Variants in DMD observed in about 807,000 individuals in gnomAD.
DMD encodes dystrophin, also known as mutant dystrophin.
Under a neutral mutation model 330.1 loss-of-function variants are expected in DMD, and 63 were observed. The ratio of observed to expected loss-of-function variants is 0.19; its 90% CI spans 0.16 to 0.24. DMD has a LOEUF of 0.24. Among genes scored for constraint, DMD ranks in the 10% least tolerant of loss-of-function variants. The pLI, the probability that DMD is intolerant of heterozygous loss-of-function variation, is 1.00. For synonymous variants in DMD, 1,223 were observed against 959.8 expected (o/e 1.27, Z -5.07); for missense variants, 3,344 against 2,684.1 (o/e 1.25, Z -5.43).
chrX:31,307,362 C>A (rs2055119575), intron 62 of DMD, among the ~76,000 whole-genome samples: 1 of 111,696 alleles, frequency 9.0e-6, no homozygotes, highest in African/African-American at 3.3e-5. Flanking sequence ...TTCCTTTCAC[C>A]TTATACATCT....
intron 44 of DMD, among the ~76,000 whole-genome samples, chrX:32,089,064 G>T (rs1235476375): frequency 9.0e-6 from 1 of 111,406 alleles, no homozygotes; most frequent in African/African-American, 3.3e-5. Flanking sequence ...TTTGTTATTG[G>T]AATTGATGTG....
chrX:32,179,754 G>T (rs1435257531), intron 44 of DMD, among the ~76,000 whole-genome samples: 1 of 111,641 alleles, frequency 9.0e-6, no homozygotes, highest in Non-Finnish European at 1.9e-5. Flanking sequence ...ATGGTTCTGT[G>T]CTGAGGGAGC....
rs2032294597 is a variant in DMD, at chrX:31,120,806, T to C, written c.*1113A>G. 1 of 110,664 alleles carries C rather than the reference T, an allele frequency of 9.0e-6. No homozygotes were observed. The highest frequency in any genetic ancestry group is 9.7e-5 in the Admixed American group (1 of 10,263). The allele number at this position is 110,664 out of a possible 1,213,427, so 9.1% of individuals were successfully genotyped here. ...CAAGGTCAGAATACCTTCTGATTGA[T>C]TTCCACTGAAGCATCATTAAATCTA... On this transcript the variant is annotated 3_prime_UTR_variant, in exon 79 of 79. Transcript: ENST00000357033.
At chrX:32,968,954 G>A (rs1317195167) in intron 2 of DMD, among the ~76,000 whole-genome samples, 4 of 96,044 alleles carry the variant, frequency 4.2e-5, no homozygotes, top group Non-Finnish European at 8.1e-5. Flanking sequence ...CTTGAAACCC[G>A]GAGGCAGAGG....
Position 32,362,867 on chromosome X carries a change from C to A in DMD, c.5246G>T (p.Cys1749Phe), listed in dbSNP as rs2097841946. The stretch of plus-strand genomic sequence containing the variant: ...GATTTGGGGCTCTACTAATTTCCTG[C>A]AGTGGTCACCGCGGTTTGCCATCAA... ...ANLMANRGDH[C>F]RKLVEPQISE... is the part of the protein sequence containing the mutation. Residue 1749 changes from cysteine to phenylalanine, a missense_variant, in exon 37 of 79, where the codon TGC becomes TTC. Cys to Phe is a radical substitution (Grantham distance 205). Coordinates refer to ENST00000357033, the MANE Select transcript of DMD (RefSeq NM_004006.3). 2.5e-6 allele frequency: 3 copies of A among 1,208,653 alleles called. No homozygotes were observed. The highest frequency in any genetic ancestry group is 3.5e-5 in the African/African-American group (2 of 56,863).
At position 32,380,662 on chromosome X, in the gene DMD, G is replaced by C. The variant is rs1603632117; in HGVS notation, c.4693C>G (p.Gln1565Glu). 1 of 1,206,649 alleles carries C rather than the reference G, an allele frequency of 8.3e-7. No homozygotes were observed. Among genetic ancestry groups the C allele is most frequent in the Non-Finnish European group, 1.1e-6 (1 of 893,495 alleles). Residue 1565 changes from glutamine (Q) to glutamate (E), a missense_variant, in exon 34 of 79, where the codon CAG (glutamine) becomes GAG (glutamate). Coordinates refer to ENST00000357033, the MANE Select transcript of DMD (RefSeq NM_004006.3). ...LGAKVTERKQ[Q>E]LEKCLKLSRK... ...GACAATTTCAAGCATTTCTCCAACT[G>C]TTGCTTTCTTTCTGTTACCTGAAAA... is the stretch of plus-strand genomic sequence containing the variant.
At chrX:31,507,119 C>T (rs1263914031) in intron 56 of DMD, among the ~76,000 whole-genome samples, 162 bp downstream of exon 56, 1 of 111,627 alleles carries the variant, frequency 9.0e-6, no homozygotes, top group Non-Finnish European at 1.9e-5. Context: ...CATCTCCATA[C>T]CAAGCAAATA....
At chrX:32,714,323 C>G (rs889269473) in intron 7 of DMD, among the ~76,000 whole-genome samples, 11 of 111,360 alleles carry the variant, frequency 9.9e-5, no homozygotes, top group African/African-American at 3.6e-4. Flanking sequence ...ACCCCCTTCC[C>G]ACTCTCCCAT....
chrX:32,836,066 C>T (rs992637144), intron 4 of DMD, among the ~76,000 whole-genome samples: 1 of 109,671 alleles, frequency 9.1e-6, no homozygotes, highest in East Asian at 2.9e-4. Flanking sequence ...AAGTCTTGCT[C>T]GATCCCCCAG....
At chrX:32,413,362 C>T in intron 29 of DMD, among the ~76,000 whole-genome samples, 1 of 111,355 alleles carries the variant, frequency 9.0e-6, no homozygotes, top group East Asian at 2.8e-4. Flanking sequence ...CCGGTTTCAG[C>T]GAAAAACAAA....
upstream of DMD, among the ~76,000 whole-genome samples, chrX:33,214,495 AT>A (rs1381548082): frequency 9.0e-6 from 1 of 111,679 alleles, no homozygotes; most frequent in Non-Finnish European, 1.9e-5. Context: ...AATTTATTTC[AT>A]CATACTCGGC....
chrX:31,416,176 C>T (rs1267320791), intron 60 of DMD, among the ~76,000 whole-genome samples: 1 of 111,962 alleles, frequency 8.9e-6, no homozygotes, highest in Non-Finnish European at 1.9e-5. Context: ...TATTCTAGGA[C>T]AGCACAGCCT....
At chrX:31,822,654 GTGTGTGT>G (rs1412033297) in intron 49 of DMD, among the ~76,000 whole-genome samples, 14 of 8,853 alleles carry the variant, frequency 1.6e-3, no homozygotes, top group African/African-American at 6.5e-3. Context: ...AGGCAGAGGG[GTGTGTGT>G]GTGTGTGTGT....
chrX:32,803,690 A>C (rs937931103), intron 7 of DMD, among the ~76,000 whole-genome samples: 2 of 111,786 alleles, frequency 1.8e-5, no homozygotes, highest in South Asian at 7.4e-4. Flanking sequence ...CAAAGAACTT[A>C]TTTATTTCTG....
chrX:33,022,203 A>T (rs148034364), intron 1 of DMD, among the ~76,000 whole-genome samples: 1,312 of 111,547 alleles, frequency 0.012, 24 homozygotes, highest in African/African-American at 0.04. Flanking sequence ...TTTGAAACAT[A>T]CCCAAAACCC....
chrX:33,286,151 G>A (rs1015436891), intron 1 of DMD, among the ~76,000 whole-genome samples: 12 of 110,972 alleles, frequency 1.1e-4, no homozygotes, highest in African/African-American at 3.3e-4. Flanking sequence ...AGGACCATAC[G>A]ATAAAGAACA....
chrX:31,567,734 A>ATT (rs76078370), intron 55 of DMD, among the ~76,000 whole-genome samples: 1 of 107,975 alleles, frequency 9.3e-6, no homozygotes, highest in East Asian at 2.9e-4. Context: ...ATCTCACTTT[A>ATT]TTTTTTTTTG....
intron 17 of DMD, among the ~76,000 whole-genome samples, chrX:32,535,256 T>A (rs1413135508): frequency 9.0e-6 from 1 of 111,651 alleles, no homozygotes; most frequent in African/African-American, 3.3e-5. Flanking sequence ...TGTGCAGTAA[T>A]ATGCCCATCT....
At chrX:31,301,919 G>C (rs751118212) in intron 62 of DMD, among the ~76,000 whole-genome samples, 28 of 111,585 alleles carry the variant, frequency 2.5e-4, no homozygotes, top group Non-Finnish European at 4.7e-4. Context: ...AGAAATAATT[G>C]TAAAGACCAC....
Sources: gnomAD v4.1 joint callset for allele counts (sites outside exome capture counted in the v4.1 genomes callset) on GRCh38, gnomAD v4.1.1 for gene constraint, MANE v1.5 for transcripts, NCBI Gene and HGNC (gene_info 2026-07-23, HGNC 2026-07-21) for gene names.